The following CSMD2 variants were observed in gnomAD, a reference collection of about 807,000 sequenced individuals.
The protein encoded by CSMD2 is CUB and Sushi multiple domains 2, also known as CUB and sushi domain-containing protein 2.
In CSMD2, 130 loss-of-function variants were observed where a neutral mutation model predicts 398.5. The observed-to-expected ratio is 0.33, with a 90% confidence interval of 0.28 to 0.38. The LOEUF (loss-of-function observed/expected upper bound fraction) is 0.38, where lower values mean the gene tolerates loss of function less well. CSMD2 is among the 10% of genes least tolerant of loss of function. CSMD2 has a pLI of 1.00. For synonymous variants in CSMD2, 1,828 were observed against 1,908.5 expected (o/e 0.96, Z 1.10); for missense variants, 3,829 against 4,764.9 (o/e 0.80, Z 5.78).
Position 33,524,911 on chromosome 1 carries a change from T to C in CSMD2, c.10367A>G (p.Asp3456Gly). 6.2e-7 allele frequency: 1 copy of C among 1,614,190 alleles called. No homozygotes were observed. Among genetic ancestry groups the C allele is most frequent in the Non-Finnish European group, 8.5e-7 (1 of 1,180,038 alleles). Residue 3456 changes from aspartate (D) to glycine (G), a missense_variant, in exon 66 of 71, where the codon GAC (aspartate) becomes GGC (glycine). Transcript: ENST00000373381. ...CAAGTGCAGCTCCACGCCACTGTGG[T>C]CGATCATGGTGGCATTGACCTTGCT... ...ANSKVNATMI[D>G]HSGVELHLAG... is the part of the protein sequence containing the mutation.
At chr1:33,778,912 TCTCCTCCTGTTGA>T (rs1330920492) in intron 12 of CSMD2, among the ~76,000 whole-genome samples, 1 of 151,968 alleles carries the variant, frequency 6.6e-6, no homozygotes, top group African/African-American at 2.4e-5. Context: ...CTCTCCTTAG[TCTCCTCCTGTTGA>T]CTCCTCCTCC....
chr1:33,918,972 T>C (rs1305433272), intron 4 of CSMD2, among the ~76,000 whole-genome samples: 2 of 152,214 alleles, frequency 1.3e-5, no homozygotes, highest in African/African-American at 4.8e-5. Flanking sequence ...TTCTACTTCA[T>C]CTTAAGGATC....
chr1:33,714,998 G>A (rs181625332), intron 20 of CSMD2, among the ~76,000 whole-genome samples: 7 of 152,172 alleles, frequency 4.6e-5, no homozygotes, highest in South Asian at 2.1e-4. Context: ...GGGGAAGCAC[G>A]GGGAGGCAGA....
In CSMD2 at chr1:33,958,520, T is replaced by G. The variant is rs547764865; in HGVS notation, c.518-22566A>C. On this transcript the variant is annotated intron_variant, in intron 3 of 70. Coordinates refer to ENST00000373381, the MANE Select transcript of CSMD2 (RefSeq NM_001281956.2). ...TTGCAGACATAACTGAGGTCCCTGA[T>G]GAGTTGACTTTGAGTTAATCCAAAA... 3.3e-5 allele frequency among the ~76,000 whole-genome samples: 5 copies of G among 152,248 alleles called. No individual in the cohort carries two copies. In the East Asian group the frequency reaches 7.7e-4, roughly 24 times the overall value.
intron 27 of CSMD2, among the ~76,000 whole-genome samples, chr1:33,653,876 T>C (rs1228562419): frequency 1.3e-5 from 2 of 152,090 alleles, no homozygotes. Flanking sequence ...AAATCCAAGA[T>C]GAGTCTTTGT....
Position 33,662,991 on chromosome 1 carries a change from G to A in CSMD2, c.4154C>T (p.Pro1385Leu), listed in dbSNP as rs374462226. The change falls in exon 26 of 71, where the codon CCG (proline) becomes CTG (leucine). Residue 1385 changes from proline (P) to leucine (L), a missense_variant. Physicochemically the swap from Pro to Leu is moderately conservative, Grantham distance 98. Coordinates refer to ENST00000373381, the MANE Select transcript of CSMD2 (RefSeq NM_001281956.2). Reference protein sequence around the residue: ...SGVLLKELSGPALPKDLHSTF... With the variant: ...SGVLLKELSGLALPKDLHSTF... ...GCTATGCAGGTCCTTGGGCAGGGCC[G>A]GGCCACTCAGCTCCTTCAGCAGAAC... 1.2e-5 allele frequency: 19 copies of A among 1,613,992 alleles called. No homozygotes were observed. The highest frequency in any genetic ancestry group is 6.7e-5 in the African/African-American group (5 of 74,910).
chr1:33,907,233 C>T (rs1643150346), intron 5 of CSMD2, among the ~76,000 whole-genome samples: 1 of 151,346 alleles, frequency 6.6e-6, no homozygotes, highest in African/African-American at 2.4e-5. Flanking sequence ...ATTCTCCTGC[C>T]TCAGCCTCCC....
intron 40 of CSMD2, among the ~76,000 whole-genome samples, chr1:33,612,722 C>A (rs1388245755): frequency 6.6e-6 from 1 of 150,860 alleles, no homozygotes; most frequent in East Asian, 1.9e-4. Flanking sequence ...TGTTCGGTCG[C>A]CCGGGCTGGA....
intron 44 of CSMD2, among the ~76,000 whole-genome samples, chr1:33,595,917 A>C (rs768515021): frequency 6.6e-6 from 1 of 152,248 alleles, no homozygotes; most frequent in Non-Finnish European, 1.5e-5. Context: ...AGAGCTAAGA[A>C]ATGTATGTGC....
intron 2 of CSMD2, among the ~76,000 whole-genome samples, chr1:34,045,053 A>G (rs1652338375): frequency 1.3e-5 from 2 of 151,326 alleles, no homozygotes; most frequent in African/African-American, 2.4e-5. Flanking sequence ...ACACACACAC[A>G]CACACACACA....
chr1:33,845,967 C>G (rs1661312756), intron 6 of CSMD2, among the ~76,000 whole-genome samples: 1 of 152,228 alleles, frequency 6.6e-6, no homozygotes, highest in African/African-American at 2.4e-5. Flanking sequence ...ACAATATAAG[C>G]TTGCTGTCTA....
intron 10 of CSMD2, among the ~76,000 whole-genome samples, chr1:33,798,192 G>C (rs940897346): frequency 6.6e-6 from 1 of 152,046 alleles, no homozygotes; most frequent in Non-Finnish European, 1.5e-5. Context: ...AGCGCCTTTC[G>C]GAGGCAGGAG....
intron 3 of CSMD2, among the ~76,000 whole-genome samples, chr1:33,952,932 G>A (rs569781157): frequency 6.6e-6 from 1 of 152,212 alleles, no homozygotes; most frequent in African/African-American, 2.4e-5. Context: ...CTGAACTCAC[G>A]TCACAGGGCT....
intron 25 of CSMD2, among the ~76,000 whole-genome samples, chr1:33,676,814 C>T (rs1441369338): frequency 2.0e-5 from 3 of 152,178 alleles, no homozygotes; most frequent in Non-Finnish European, 2.9e-5. Context: ...CACATATTTA[C>T]AACCACCTGA....
intron 1 of CSMD2, among the ~76,000 whole-genome samples, chr1:34,160,081 G>A (rs1344816524): frequency 6.6e-6 from 1 of 152,164 alleles, no homozygotes; most frequent in African/African-American, 2.4e-5. Context: ...AAACAGGCAG[G>A]TCAGGCACAT....
intron 41 of CSMD2, chr1:33,605,867 A>T: frequency 6.2e-7 from 1 of 1,612,910 alleles, no homozygotes; most frequent in Non-Finnish European, 8.5e-7. Flanking sequence ...TTGAACCTTC[A>T]CAACCAGGAT....
intron 3 of CSMD2, among the ~76,000 whole-genome samples, chr1:33,971,452 C>T (rs564175028): frequency 8.4e-4 from 128 of 152,330 alleles, no homozygotes; most frequent in African/African-American, 2.9e-3. Flanking sequence ...CGGGAAACAT[C>T]GTGCCTGGCT....
intron 3 of CSMD2, among the ~76,000 whole-genome samples, chr1:34,007,217 C>T (rs933675876): frequency 2.6e-5 from 4 of 152,126 alleles, no homozygotes; most frequent in African/African-American, 9.7e-5. Context: ...TGACCTCAGC[C>T]TCATGGAAGT....
chr1:33,818,509 C>T (rs1657731894), intron 9 of CSMD2, among the ~76,000 whole-genome samples: 1 of 152,182 alleles, frequency 6.6e-6, no homozygotes, highest in East Asian at 1.9e-4. Flanking sequence ...ATACTATTAG[C>T]AACATTTGGA....
Sources: allele counts gnomAD v4.1 joint callset (sites outside exome capture counted in the v4.1 genomes callset), GRCh38; gene constraint gnomAD v4.1.1; transcripts MANE v1.5; gene names NCBI Gene and HGNC (gene_info 2026-07-23, HGNC 2026-07-21).